The following ELN variants were observed in gnomAD, a reference collection of about 807,000 sequenced individuals.
ELN encodes the protein tropoelastin.
In ELN, 65 loss-of-function variants were observed where a neutral mutation model predicts 105.8. That is an observed-to-expected ratio of 0.61 (90% confidence interval 0.50 to 0.75). ELN has a LOEUF of 0.75. Among genes scored for constraint, ELN ranks in the 30% least tolerant of loss-of-function variants. The probability of loss-of-function intolerance (pLI) is 0.00; values close to 1 mark genes in which losing one functional copy is unlikely to be tolerated. For missense variants in ELN, 882 were observed against 969.4 expected (o/e 0.91, Z 1.20); for synonymous variants, 368 against 389.2 (o/e 0.95, Z 0.64).
In ELN at chr7:74,041,240, G is replaced by A. The variant is rs1554668303; in HGVS notation, c.221G>A (p.Gly74Asp). The change falls in exon 5 of 33, where the codon GGC (glycine) becomes GAC (aspartate). Residue 74 changes from glycine to aspartate, a missense_variant. Gly to Asp is a moderately conservative substitution (Grantham distance 94). Transcript: ENST00000252034. ...KPVPGGLAGA[G>D]LGAGLGAFPA... ...GTTCCCGGAGGGCTTGCGGGTGCTG[G>A]CCTTGGGGCAGGTGAGTGCTGACAC... 4 of 1,613,996 alleles carry A rather than the reference G, an allele frequency of 2.5e-6. No homozygotes were observed. In the Admixed American group the frequency reaches 6.7e-5, roughly 27 times the overall value.
At chr7:74,045,111 A>G in intron 9 of ELN, 111 bp from the exon 10 acceptor site, 1 of 1,222,700 alleles carries the variant, frequency 8.2e-7, no homozygotes, top group Non-Finnish European at 1.2e-6. Flanking sequence ...CGTGCCTGTC[A>G]CTGACAGTCA....
At chr7:74,056,184 C>T (rs1044707597) in intron 19 of ELN, 87 bp from the exon 20 acceptor site, 1 of 1,556,888 alleles carries the variant, frequency 6.4e-7, no homozygotes. Flanking sequence ...AATTTACATC[C>T]TCTTTCCCAA....
At chr7:74,033,846 G>A (rs1789270265) in intron 1 of ELN, among the ~76,000 whole-genome samples, 1 of 152,246 alleles carries the variant, frequency 6.6e-6, no homozygotes, top group Admixed American at 6.5e-5. Context: ...AGCAGTAAGG[G>A]AGGGCTGGGC....
intron 7 of ELN, 41 bp from the exon 8 acceptor site, chr7:74,043,077 C>T: frequency 6.2e-7 from 1 of 1,614,178 alleles, no homozygotes; most frequent in Non-Finnish European, 8.5e-7. Context: ...AAGTTGCAGG[C>T]CTGGGTGGAG....
At chr7:74,028,314 G>T in intron 1 of ELN, 45 bp downstream of exon 1, 1 of 1,579,924 alleles carries the variant, frequency 6.3e-7, no homozygotes, top group East Asian at 2.3e-5. Flanking sequence ...CACAGCTGCG[G>T]GCCCTTTGGG....
chr7:74,067,933 CA>C (rs782107951), intron 32 of ELN, among the ~76,000 whole-genome samples: 721 of 19,874 alleles, frequency 0.036, no homozygotes, highest in African/African-American at 0.074. Flanking sequence ...GATTGCGTCT[CA>C]AAAAAAAAAA....
chr7:74,060,506 A>C lies in ELN; in HGVS notation c.1747+5A>C. The C allele has an allele frequency of 1.2e-6, 2 of 1,614,224 alleles. No individual in the cohort carries two copies. The highest frequency in any genetic ancestry group is 1.7e-6 in the Non-Finnish European group (2 of 1,180,028). On this transcript the variant is annotated splice_donor_5th_base_variant and intron_variant, in intron 25 of 32. Coordinates refer to ENST00000252034, the MANE Select transcript of ELN (RefSeq NM_000501.4). ...GTGTTCCTGGCTTCGGGGCAGGTGCAGATGAGGGAGTTAGGCGGAGCCTGT... is the reference window on the plus strand; with the variant it reads ...GTGTTCCTGGCTTCGGGGCAGGTGCCGATGAGGGAGTTAGGCGGAGCCTGT...
Position 74,065,700 on chromosome 7 carries a change from C to T in ELN, c.2000C>T (p.Pro667Leu), listed in dbSNP as rs1797793289. 6.2e-7 allele frequency: 1 copy of T among 1,613,834 alleles called. No individual in the cohort carries two copies. Among genetic ancestry groups the T allele is most frequent in the African/African-American group, 1.3e-5 (1 of 74,844 alleles). The change falls in exon 30 of 33, where the codon CCT becomes CTT. Residue 667 changes from proline (P) to leucine (L), a missense_variant. By Grantham distance (98) the Pro-to-Leu change is moderately conservative. Transcript: ENST00000252034. ...ATGTGCCTCATCTCCCCAGGTATACCTCCAGCTGCAGCCGCTAAAGCAGCT... is the reference window on the plus strand; with the variant it reads ...ATGTGCCTCATCTCCCCAGGTATACTTCCAGCTGCAGCCGCTAAAGCAGCT... ...VPGVGGLGGI[P>L]PAAAAKAAKY...
rs1485820889 is a variant in ELN, at chr7:74,069,571, A to G, written c.*871A>G. 4.3e-6 allele frequency: 1 copy of G among 233,236 alleles called. No homozygotes were observed. The highest frequency in any genetic ancestry group is 1.8e-4 in the South Asian group (1 of 5,498). The allele number at this position is 233,236 out of a possible 1,614,324, so 14.4% of individuals were successfully genotyped here. On this transcript the variant is annotated 3_prime_UTR_variant, in exon 33 of 33. Transcript: ENST00000252034. The stretch of plus-strand genomic sequence containing the variant: ...CCACATGCAGTACTGTATACCCCCC[A>G]TCCCTCCCTCGGTCCACTGAACTTC...
intron 9 of ELN, among the ~76,000 whole-genome samples, chr7:74,044,540 G>A (rs1364244946): frequency 6.6e-6 from 1 of 152,174 alleles, no homozygotes; most frequent in African/African-American, 2.4e-5. Context: ...CCCAAAAGCT[G>A]TGAGTCACCA....
chr7:74,063,201 T>C lies in ELN; in HGVS notation c.1835T>C (p.Val612Ala). ...GGAGGGCTCGGGGCTCTCGGTGGAGTAGGCATCCCAGGCGGTGTGGTGGGT... is the reference window on the plus strand; with the variant it reads ...GGAGGGCTCGGGGCTCTCGGTGGAGCAGGCATCCCAGGCGGTGTGGTGGGT... ...VLGGLGALGG[V>A]GIPGGVVGAG... Residue 612 changes from valine to alanine, a missense_variant, in exon 27 of 33, where the codon GTA (valine) becomes GCA (alanine). Transcript: ENST00000252034. The surrounding 1 kb of genome is among the most constrained non-coding windows in gnomAD (Gnocchi z 4.1). The C allele has an allele frequency of 1.3e-6, 2 of 1,569,624 alleles. No homozygotes were observed. Among genetic ancestry groups the C allele is most frequent in the Non-Finnish European group, 8.6e-7 (1 of 1,159,388 alleles).
At chr7:74,057,586 A>G in intron 21 of ELN, 54 bp from the exon 22 acceptor site, 1 of 1,609,880 alleles carries the variant, frequency 6.2e-7, no homozygotes, top group Non-Finnish European at 8.5e-7. Flanking sequence ...AGAGATGGGA[A>G]GCAGGGAGGG....
chr7:74,060,608 G>A (rs374622225), intron 25 of ELN, 107 bp downstream of exon 25: 2 of 1,583,504 alleles, frequency 1.3e-6, no homozygotes, highest in East Asian at 2.3e-5. Flanking sequence ...GGGGTGCATA[G>A]TAAAATCCTT....
At chr7:74,056,107 T>C (rs1583902413) in intron 19 of ELN, among the ~76,000 whole-genome samples, 164 bp from the exon 20 acceptor site, 1 of 152,098 alleles carries the variant, frequency 6.6e-6, no homozygotes, top group East Asian at 1.9e-4. Flanking sequence ...TTTAAAGGCT[T>C]CATGGTGGAG....
At chr7:74,045,086 A>C (rs1583783841) in intron 9 of ELN, 136 bp from the exon 10 acceptor site, 2 of 931,910 alleles carry the variant, frequency 2.1e-6, no homozygotes, top group Non-Finnish European at 3.4e-6. Context: ...TCCTTTCTCC[A>C]CCCACCCCGT....
At chr7:74,059,811 C>T in intron 22 of ELN, 75 bp from the exon 23 acceptor site, 1 of 835,794 alleles carries the variant, frequency 1.2e-6, no homozygotes, top group South Asian at 1.3e-5. Flanking sequence ...GGCCGAGGCT[C>T]CAGCCCTCTT....
rs1792475096 is a variant in ELN, at chr7:74,046,228, G to A, written c.571+11G>A. On this transcript the variant is annotated intron_variant, in intron 11 of 32. Coordinates refer to ENST00000252034, the MANE Select transcript of ELN (RefSeq NM_000501.4). ...TTGCTGGAATCCCAGGTGAGGCAAGGCTGGTGGGAGAAGCAGGGTGGCCAG... is the reference window on the plus strand; with the variant it reads ...TTGCTGGAATCCCAGGTGAGGCAAGACTGGTGGGAGAAGCAGGGTGGCCAG... The A allele has an allele frequency of 1.2e-6, 2 of 1,614,204 alleles. No homozygotes were observed. Among genetic ancestry groups the A allele is most frequent in the Non-Finnish European group, 1.7e-6 (2 of 1,180,032 alleles).
At chr7:74,066,147 CTGGGCAAACGGGCA>C (rs1259469195) in intron 31 of ELN, 150 bp downstream of exon 31, 29 of 1,151,398 alleles carry the variant, frequency 2.5e-5, no homozygotes, top group Non-Finnish European at 3.8e-6. Flanking sequence ...TGCAGATGTA[CTGGGCAAACGGGCA>C]AGCTATAAGG....
In ELN at chr7:74,059,509, C is replaced by G. The variant is rs367888755; in HGVS notation, c.1415-377C>G. 3.5e-5 allele frequency: 12 copies of G among 344,566 alleles called. No individual in the cohort carries two copies. In the East Asian group the frequency reaches 4.9e-4, roughly 14 times the overall value. The allele number at this position is 344,566 out of a possible 1,614,324, so 21.3% of individuals were successfully genotyped here. A position where few individuals can be genotyped will look rare whatever the true frequency, so the allele number is the denominator to read the frequency against. ...CCAGCCTGGCCAACATGGTGAAACC[C>G]TGTCTCTACTAAAAATACAAAAAAA... is the stretch of plus-strand genomic sequence containing the variant. On this transcript the variant is annotated intron_variant, in intron 22 of 32. Transcript: ENST00000252034.
Sources: gnomAD v4.1 joint callset for allele counts (sites outside exome capture counted in the v4.1 genomes callset) on GRCh38, gnomAD v4.1.1 for gene constraint, Gnocchi (gnomAD v3.1) non-coding constraint, MANE v1.5 for transcripts, NCBI Gene and HGNC (gene_info 2026-07-23, HGNC 2026-07-21) for gene names.